ERC2: variants seen among roughly 807,000 people sequenced by gnomAD.
ERC2 encodes the protein ERC protein 2.
In ERC2, 42 loss-of-function variants were observed where a neutral mutation model predicts 114.8. The observed-to-expected ratio is 0.37, with a 90% CI of 0.29 to 0.47. The LOEUF (loss-of-function observed/expected upper bound fraction) is 0.47, where lower values mean the gene tolerates loss of function less well. ERC2 is among the 20% of genes least tolerant of loss of function. The probability of loss-of-function intolerance (pLI) is 0.99; values close to 1 mark genes in which losing one functional copy is unlikely to be tolerated. For synonymous variants in ERC2, 454 were observed against 425.5 expected, an observed-to-expected ratio of 1.07 and a Z score of -0.82; for missense variants, 939 against 1,150.7, an observed-to-expected ratio of 0.82 and a Z score of 2.66.
At chr3:55,892,209 T>G (rs2063643788) in intron 13 of ERC2, among the ~76,000 whole-genome samples, 1 of 152,198 alleles carries the variant, frequency 6.6e-6, no homozygotes, top group Admixed American at 6.5e-5. Flanking sequence ...TTTCTGATAA[T>G]AAGAATAAAG....
chr3:56,010,778 A>C (rs2072858456), intron 8 of ERC2, among the ~76,000 whole-genome samples, 189 bp from the exon 9 acceptor site: 2 of 152,214 alleles, frequency 1.3e-5, no homozygotes, highest in Admixed American at 6.5e-5. Flanking sequence ...AACCAATAAC[A>C]GCTTTTGACT....
At chr3:55,585,320 A>C (rs972875377) in intron 17 of ERC2, among the ~76,000 whole-genome samples, 1 of 152,198 alleles carries the variant, frequency 6.6e-6, no homozygotes, top group Non-Finnish European at 1.5e-5. Flanking sequence ...TTTAGGGCTC[A>C]GGGTTTTTAT....
At chr3:55,844,976 A>G (rs958339411) in intron 14 of ERC2, among the ~76,000 whole-genome samples, 1 of 152,188 alleles carries the variant, frequency 6.6e-6, no homozygotes, top group Non-Finnish European at 1.5e-5. Context: ...GTTCTACCTC[A>G]GATCATCAGG....
chr3:56,012,070 A>G (rs993848987), intron 8 of ERC2, among the ~76,000 whole-genome samples: 4 of 152,170 alleles, frequency 2.6e-5, no homozygotes, highest in Non-Finnish European at 5.9e-5. Flanking sequence ...AATTGCCTAT[A>G]TTTGTTTCTT....
intron 17 of ERC2, among the ~76,000 whole-genome samples, chr3:55,538,697 C>A (rs949007273): frequency 1.3e-5 from 2 of 152,218 alleles, no homozygotes; most frequent in Admixed American, 6.5e-5. Flanking sequence ...GTAAATCCCT[C>A]TCTGGCTGCT....
chr3:55,774,203 A>G (rs2068433190), intron 14 of ERC2, among the ~76,000 whole-genome samples: 1 of 152,036 alleles, frequency 6.6e-6, no homozygotes, highest in African/African-American at 2.4e-5. Flanking sequence ...ATGGGCCATA[A>G]CCACATAGTT....
intron 17 of ERC2, among the ~76,000 whole-genome samples, chr3:55,547,415 G>A (rs1051889729): frequency 6.6e-6 from 1 of 152,214 alleles, no homozygotes; most frequent in African/African-American, 2.4e-5. Flanking sequence ...ATAGCTTATC[G>A]TTTCTGCAGG....
At chr3:56,012,746 T>C (rs1163221481) in intron 8 of ERC2, among the ~76,000 whole-genome samples, 1 of 152,182 alleles carries the variant, frequency 6.6e-6, no homozygotes, top group Non-Finnish European at 1.5e-5. Flanking sequence ...TACAACATAT[T>C]TCTCCGTCAA....
At chr3:55,949,092 A>G in intron 13 of ERC2, among the ~76,000 whole-genome samples, 1 of 151,998 alleles carries the variant, frequency 6.6e-6, no homozygotes. Context: ...CCACCTGGAC[A>G]GGCGCAGTGG....
intron 14 of ERC2, among the ~76,000 whole-genome samples, chr3:55,758,923 A>T (rs964453050): frequency 6.6e-6 from 1 of 152,196 alleles, no homozygotes; most frequent in African/African-American, 2.4e-5. Context: ...AAACACTTGG[A>T]TTGCTAAGGT....
At chr3:56,330,979 T>G (rs968060168) in intron 2 of ERC2, among the ~76,000 whole-genome samples, 2 of 152,194 alleles carry the variant, frequency 1.3e-5, no homozygotes, top group Non-Finnish European at 2.9e-5. Context: ...TTGCCCAATG[T>G]CTCAACATCC....
intron 5 of ERC2, among the ~76,000 whole-genome samples, chr3:56,140,452 T>C (rs1001465309): frequency 3.9e-5 from 6 of 152,240 alleles, no homozygotes; most frequent in Non-Finnish European, 8.8e-5. Context: ...TTGCTTTTTT[T>C]CCTACTCAAT....
At chr3:56,253,110 A>C (rs918954835) in intron 3 of ERC2, among the ~76,000 whole-genome samples, 1 of 152,158 alleles carries the variant, frequency 6.6e-6, no homozygotes, top group African/African-American at 2.4e-5. Flanking sequence ...AGTGTTTTTC[A>C]CTGCTGTACC....
At chr3:55,895,788 G>C (rs531370000) in intron 13 of ERC2, among the ~76,000 whole-genome samples, 39 of 152,310 alleles carry the variant, frequency 2.6e-4, no homozygotes, top group Admixed American at 2.4e-3. Context: ...TGGATGAAGT[G>C]TAAGTCCAAA....
chr3:55,518,432 A>G (rs1319916568), intron 17 of ERC2, among the ~76,000 whole-genome samples: 2 of 152,260 alleles, frequency 1.3e-5, no homozygotes, highest in Non-Finnish European at 2.9e-5. Context: ...GAAAATGTAC[A>G]ACTTTTCTGA....
chr3:56,459,041 G>A (rs1361331015), intron 1 of ERC2, among the ~76,000 whole-genome samples: 1 of 152,106 alleles, frequency 6.6e-6, no homozygotes, highest in East Asian at 1.9e-4. Flanking sequence ...GTGATCATGG[G>A]ACCGCCCTAA....
intron 17 of ERC2, among the ~76,000 whole-genome samples, chr3:55,663,147 A>G (rs1244966375): frequency 6.6e-6 from 1 of 152,264 alleles, no homozygotes. Flanking sequence ...GATGGTTTCC[A>G]TTACAGAATA....
chr3:55,690,655 T>C (rs1402563808), intron 16 of ERC2, among the ~76,000 whole-genome samples: 1 of 152,074 alleles, frequency 6.6e-6, no homozygotes, highest in Non-Finnish European at 1.5e-5. Context: ...AAAAACACTC[T>C]ACCCCAAATA....
At chr3:55,850,303 T>A (rs957849243) in intron 14 of ERC2, among the ~76,000 whole-genome samples, 3 of 152,244 alleles carry the variant, frequency 2.0e-5, no homozygotes, top group Admixed American at 2.0e-4. Context: ...CATTCTGAGG[T>A]TCCAGGTGGA....
Sources: gnomAD v4.1 joint callset for allele counts (sites outside exome capture counted in the v4.1 genomes callset) on GRCh38, gnomAD v4.1.1 for gene constraint, MANE v1.5 for transcripts, NCBI Gene and HGNC (gene_info 2026-07-23, HGNC 2026-07-21) for gene names.